NDUFA2: variants seen among roughly 807,000 people sequenced by gnomAD.
NDUFA2 encodes NADH dehydrogenase [ubiquinone] 1 alpha subcomplex subunit 2.
NDUFA2 carries 9 observed loss-of-function variants against 11.4 expected under a neutral mutation model. The ratio of observed to expected loss-of-function variants is 0.79; its 90% CI spans 0.48 to 1.38. NDUFA2 has a LOEUF of 1.38. Among genes scored for constraint, NDUFA2 ranks in the 40% most tolerant of loss-of-function variants. NDUFA2 has a pLI of 0.00. For missense variants in NDUFA2, 150 were observed against 131.2 expected, an observed-to-expected ratio of 1.14 and a Z score of -0.70; for synonymous variants, 49 against 54.0, an observed-to-expected ratio of 0.91 and a Z score of 0.41.
At chr5:140,646,338 GCTAT>G (rs1757398608) in intron 2 of NDUFA2, among the ~76,000 whole-genome samples, 1 of 152,068 alleles carries the variant, frequency 6.6e-6, no homozygotes, top group African/African-American at 2.4e-5. Flanking sequence ...GCTCCCATAG[GCTAT>G]CTAACATAAT....
In NDUFA2 at chr5:140,645,365, G is replaced by C; in HGVS notation, c.*222C>G. The C allele has an allele frequency of 3.9e-6, 3 of 772,042 alleles. No individual in the cohort carries two copies. The South Asian group carries it at 4.4e-5, about 11-fold the overall frequency. 47.8% of individuals were successfully genotyped at this position (772,042 alleles called of 1,614,324 possible). A position where few individuals can be genotyped will look rare whatever the true frequency, so the allele number is the denominator to read the frequency against. ...TTCATGTTTGCTTCAGCAGCTGGTA[G>C]CTTTTGATGAGACAGAATAAAGTTT... On this transcript the variant is annotated 3_prime_UTR_variant, in exon 3 of 3. Coordinates refer to ENST00000252102, the MANE Select transcript of NDUFA2 (RefSeq NM_002488.5).
intron 2 of NDUFA2, among the ~76,000 whole-genome samples, chr5:140,646,642 A>C (rs1212325132): frequency 6.6e-6 from 1 of 152,180 alleles, no homozygotes; most frequent in Non-Finnish European, 1.5e-5. Flanking sequence ...ATGATAGGAA[A>C]ATTTCATTTT....
chr5:140,646,139 T>C (rs578204606), intron 2 of NDUFA2, among the ~76,000 whole-genome samples: 19 of 151,874 alleles, frequency 1.3e-4, no homozygotes, highest in African/African-American at 4.1e-4. Flanking sequence ...GCCTCCTGAG[T>C]AGCTGGGATT....
At chr5:140,645,779 G>T in intron 2 of NDUFA2, 101 bp from the exon 3 acceptor site, 1 of 1,555,404 alleles carries the variant, frequency 6.4e-7, no homozygotes, top group South Asian at 1.1e-5. Context: ...GTTAAGACAG[G>T]AAGAGTATTA....
At position 140,647,532 on chromosome 5, in the gene NDUFA2, C is replaced by T. The variant is rs1757476208; in HGVS notation, c.52G>A (p.Glu18Lys). ...RGVGAKLGLREIRIHLCQRSP... is the reference protein window; with the variant it reads ...RGVGAKLGLRKIRIHLCQRSP... ...CGCTGACATAAGTGGATGCGAATCT[C>T]ACGCAGGCCCAGCTTTGCCCCGACT... The change falls in exon 1 of 3, where the codon GAG becomes AAG. Residue 18 changes from glutamate to lysine, a missense_variant. Coordinates refer to ENST00000252102, the MANE Select transcript of NDUFA2 (RefSeq NM_002488.5). 1 of 1,612,396 alleles carries T rather than the reference C, an allele frequency of 6.2e-7. No individual in the cohort carries two copies. Among genetic ancestry groups the T allele is most frequent in the South Asian group, 1.1e-5 (1 of 91,092 alleles).
Position 140,647,323 on chromosome 5 carries a change from C to G in NDUFA2, c.141G>C (p.Ala47=), listed in dbSNP as rs1581476103. 1 of 1,600,008 alleles carries G rather than the reference C, an allele frequency of 6.2e-7. No individual in the cohort carries two copies. The highest frequency in any genetic ancestry group is 8.5e-7 in the Non-Finnish European group (1 of 1,171,258). ...GGATTAGGATGGGTAGGTCGGGATT[C>G]GCCTTCTTCAGCTCCACGTAGCGTT... ...IEKRYVELKK[A]NPDLPILIRE... Residue 47 remains alanine (A), a synonymous_variant, in exon 2 of 3, where the codon GCG becomes GCC. Transcript: ENST00000252102.
At chr5:140,647,056 G>A (rs1418417519) in intron 2 of NDUFA2, 200 bp downstream of exon 2, 3 of 610,696 alleles carry the variant, frequency 4.9e-6, no homozygotes, top group Non-Finnish European at 8.1e-6. Context: ...CGGTCAGCCT[G>A]CATACTTATG....
Position 140,645,357 on chromosome 5 carries a change from A to G in NDUFA2, c.*230T>C, listed in dbSNP as rs1581472972. On this transcript the variant is annotated 3_prime_UTR_variant, in exon 3 of 3. Coordinates refer to ENST00000252102, the MANE Select transcript of NDUFA2 (RefSeq NM_002488.5). ...CGCCACCCTTCATGTTTGCTTCAGC[A>G]GCTGGTAGCTTTTGATGAGACAGAA... 1.3e-6 allele frequency: 1 copy of G among 758,964 alleles called. No homozygotes were observed. The highest frequency in any genetic ancestry group is 2.7e-5 in the East Asian group (1 of 37,414). The allele number at this position is 758,964 out of a possible 1,614,324, so 47.0% of individuals were successfully genotyped here. A position where few individuals can be genotyped will look rare whatever the true frequency, so the allele number is the denominator to read the frequency against.
intron 2 of NDUFA2, 131 bp from the exon 3 acceptor site, chr5:140,645,809 C>T: frequency 6.9e-7 from 1 of 1,440,142 alleles, no homozygotes; most frequent in Non-Finnish European, 9.5e-7. Context: ...GATCAAAATA[C>T]ATTTGGTATG....
At chr5:140,647,155 T>C in intron 2 of NDUFA2, 101 bp downstream of exon 2, 15 of 1,278,344 alleles carry the variant, frequency 1.2e-5, no homozygotes, top group South Asian at 4.6e-5. Flanking sequence ...GTCCGAGTTC[T>C]AGTTTCTCCA....
rs1022558681 is a variant in NDUFA2 at position 140,647,552 on chromosome 5, C to T, written c.32G>A (p.Gly11Glu). The change falls in exon 1 of 3, where the codon GGG (glycine) becomes GAG (glutamate). Residue 11 changes from glycine to glutamate, a missense_variant. Gly to Glu is a moderately conservative substitution (Grantham distance 98, BLOSUM62 -2). Transcript: ENST00000252102. ...AATCTCACGCAGGCCCAGCTTTGCCCCGACTCCTCGACTTGCTGCGGCCGC... is the reference window on the plus strand; with the variant it reads ...AATCTCACGCAGGCCCAGCTTTGCCTCGACTCCTCGACTTGCTGCGGCCGC... MAAAAASRGV[G>E]AKLGLREIRI... 1.2e-6 allele frequency: 2 copies of T among 1,611,732 alleles called. No individual in the cohort carries two copies. The highest frequency in any genetic ancestry group is 1.7e-6 in the Non-Finnish European group (2 of 1,180,036).
In NDUFA2 at chr5:140,647,274, T is replaced by G. The variant is rs761778714; in HGVS notation, c.190A>C (p.Lys64Gln). 1.3e-6 allele frequency: 2 copies of G among 1,558,528 alleles called. No homozygotes were observed. The highest frequency in any genetic ancestry group is 1.7e-4 in the Middle Eastern group (1 of 5,788). The change falls in exon 2 of 3, where the codon AAG becomes CAG. Residue 64 changes from lysine to glutamine, a missense_variant. Lys to Gln is a moderately conservative substitution (Grantham distance 53). Transcript: ENST00000252102. ...CACTCACCGTAGCGGGCCCAGAGCT[T>G]GGGCTGCACATCGGAGCATTCGCGG... Reference protein sequence around the residue: ...LIRECSDVQPKLWARYAFGQE... With the variant: ...LIRECSDVQPQLWARYAFGQE...
rs182083056 is a variant in NDUFA2 at position 140,647,117 on chromosome 5, T to C, written c.208+139A>G. 2,396 of 966,852 alleles carry C rather than the reference T, an allele frequency of 2.5e-3. 3 individuals carry two copies. The highest frequency in any genetic ancestry group is 3.2e-3 in the Non-Finnish European group (2,187 of 673,866). 59.9% of individuals were successfully genotyped at this position (966,852 alleles called of 1,614,324 possible). On this transcript the variant is annotated intron_variant, in intron 2 of 2. Coordinates refer to ENST00000252102, the MANE Select transcript of NDUFA2 (RefSeq NM_002488.5). ...AACCCTGCGAATATAAATTTCTTCA[T>C]GGAAACAAGATCAACAGCAAGGCTA...
At chr5:140,647,434 G>T in intron 1 of NDUFA2, 49 bp downstream of exon 1, 1 of 1,608,586 alleles carries the variant, frequency 6.2e-7, no homozygotes, top group Non-Finnish European at 8.5e-7. Flanking sequence ...GGTCGAGGTC[G>T]TGACCCTGGC....
At position 140,645,689 on chromosome 5, in the gene NDUFA2, A is replaced by G; in HGVS notation, c.209-11T>C. 4 of 1,614,194 alleles carry G rather than the reference A, an allele frequency of 2.5e-6. No individual in the cohort carries two copies. The highest frequency in any genetic ancestry group is 3.4e-6 in the Non-Finnish European group (4 of 1,180,016). On this transcript the variant is annotated splice_polypyrimidine_tract_variant and intron_variant, in intron 2 of 2. Transcript: ENST00000252102. ...TCTCTTGGCCAAATGCTGAAGAGAGAGAGGGAGGTGTCTTTAACTATTCTG... is the reference window on the plus strand; with the variant it reads ...TCTCTTGGCCAAATGCTGAAGAGAGGGAGGGAGGTGTCTTTAACTATTCTG...
At chr5:140,647,385 G>C (rs1390545881) in intron 1 of NDUFA2, 23 bp from the exon 2 acceptor site, 1 of 1,610,780 alleles carries the variant, frequency 6.2e-7, no homozygotes. Flanking sequence ...AGAGAGCGCC[G>C]CGCGTGCTGT....
rs1279926877 is a variant in NDUFA2, at chr5:140,647,508, G to C, written c.76C>G (p.Arg26Gly). ...CTGACGCCCTGGCTGCCGGGCGAGC[G>C]CTGACATAAGTGGATGCGAATCTCA... Reference protein sequence around the residue: ...LREIRIHLCQRSPGSQGVRDF... With the variant: ...LREIRIHLCQGSPGSQGVRDF... Residue 26 changes from arginine (R) to glycine (G), a missense_variant, in exon 1 of 3, where the codon CGC becomes GGC. Physicochemically the swap from Arg to Gly is moderately radical, Grantham distance 125 (BLOSUM62 -2). Coordinates refer to ENST00000252102, the MANE Select transcript of NDUFA2 (RefSeq NM_002488.5). 2 of 1,612,480 alleles carry C rather than the reference G, an allele frequency of 1.2e-6. No homozygotes were observed. Among genetic ancestry groups the C allele is most frequent in the South Asian group, 2.2e-5 (2 of 91,082 alleles).
At chr5:140,646,736 C>T (rs148002819) in intron 2 of NDUFA2, among the ~76,000 whole-genome samples, 1 of 152,188 alleles carries the variant, frequency 6.6e-6, no homozygotes, top group African/African-American at 2.4e-5. Context: ...CTGTTAAACT[C>T]TAGCTGCATC....
intron 2 of NDUFA2, 111 bp downstream of exon 2, chr5:140,647,145 G>C: frequency 8.5e-7 from 1 of 1,179,116 alleles, no homozygotes; most frequent in Non-Finnish European, 1.2e-6. Context: ...CAAGGCTAAA[G>C]TCCGAGTTCT....
Sources: allele counts gnomAD v4.1 joint callset (sites outside exome capture counted in the v4.1 genomes callset), GRCh38; gene constraint gnomAD v4.1.1; transcripts MANE v1.5; gene names NCBI Gene and HGNC (gene_info 2026-07-23, HGNC 2026-07-21).